The following COL5A3 variants were observed in gnomAD, a reference collection of about 807,000 sequenced individuals.
COL5A3 encodes collagen type V alpha 3 chain, also known as collagen alpha-3(V) chain.
Under a neutral mutation model 250.0 loss-of-function variants are expected in COL5A3, and 172 were observed. That is an observed-to-expected ratio of 0.69 (90% confidence interval 0.61 to 0.78). COL5A3 has a LOEUF of 0.78. Ranked by LOEUF, COL5A3 falls within the 30% of genes least tolerant of loss-of-function variation. The pLI is 0.00. For missense variants in COL5A3, 2,340 were observed against 2,334.4 expected, an observed-to-expected ratio of 1.00 and a Z score of -0.05; for synonymous variants, 937 against 900.4, an observed-to-expected ratio of 1.04 and a Z score of -0.73.
intron 64 of COL5A3, among the ~76,000 whole-genome samples, chr19:9,963,960 T>G (rs1026204763): frequency 6.6e-6 from 1 of 151,966 alleles, no homozygotes; most frequent in African/African-American, 2.4e-5. Flanking sequence ...CTCGAGGCCA[T>G]GAGTTTGAGA....
rs761016326 is a variant in COL5A3 at position 9,982,126 on chromosome 19, G to C, written c.2407-8C>G. The stretch of plus-strand genomic sequence containing the variant: ...GGGAAATCCAATAGATCCCTGAGTG[G>C]AGAGAATTAGAAAGAAGACATGAGG... On this transcript the variant is annotated splice_polypyrimidine_tract_variant and splice_region_variant and intron_variant, in intron 31 of 66. Transcript: ENST00000264828. 68 of 1,589,812 alleles carry C rather than the reference G, an allele frequency of 4.3e-5. No individual in the cohort carries two copies. Among genetic ancestry groups the C allele is most frequent in the Non-Finnish European group, 5.7e-5 (67 of 1,167,420 alleles).
intron 21 of COL5A3, 69 bp from the exon 22 acceptor site, chr19:9,992,117 A>G: frequency 7.2e-7 from 1 of 1,390,088 alleles, no homozygotes. Flanking sequence ...AGACACCGAG[A>G]GATGCAGGTG....
chr19:9,995,656 G>T, intron 15 of COL5A3, 39 bp from the exon 16 acceptor site: 1 of 1,465,940 alleles, frequency 6.8e-7, no homozygotes, highest in Non-Finnish European at 9.4e-7. Context: ...AGGAAAATAA[G>T]AAGAAAGAGG....
At chr19:9,973,473 T>G in intron 50 of COL5A3, 97 bp downstream of exon 50, 1 of 1,243,140 alleles carries the variant, frequency 8.0e-7, no homozygotes, top group East Asian at 2.3e-5. Flanking sequence ...GGTGAGTGGA[T>G]GATCTTGCAC....
chr19:9,970,958 T>G lies in COL5A3; in HGVS notation c.3882+17A>C. The stretch of plus-strand genomic sequence containing the variant: ...CAACCCCCGCCTCAGCACCACACCC[T>G]CTGTTTTCCCACTCACCGGTCCCCC... On this transcript the variant is annotated intron_variant, in intron 53 of 66. Transcript: ENST00000264828. The G allele has an allele frequency of 1.9e-6, 3 of 1,555,354 alleles. No individual in the cohort carries two copies. Among genetic ancestry groups the G allele is most frequent in the Non-Finnish European group, 2.6e-6 (3 of 1,153,268 alleles).
chr19:10,002,093 G>A (rs1052069137), intron 6 of COL5A3, among the ~76,000 whole-genome samples: 1 of 152,202 alleles, frequency 6.6e-6, no homozygotes, highest in East Asian at 1.9e-4. Context: ...GAGGTGCTGA[G>A]TCAGGCTGGC....
intron 11 of COL5A3, 84 bp downstream of exon 11, chr19:9,997,287 C>T: frequency 9.6e-7 from 1 of 1,043,374 alleles, no homozygotes; most frequent in Non-Finnish European, 1.5e-6. Flanking sequence ...GTGCCACACC[C>T]TCATATCTAT....
intron 46 of COL5A3, 31 bp from the exon 47 acceptor site, chr19:9,974,255 C>G (rs1300234428): frequency 6.2e-7 from 1 of 1,612,798 alleles, no homozygotes; most frequent in Non-Finnish European, 8.5e-7. Flanking sequence ...ATTGGGGCAC[C>G]AGGTAGGGAG....
Position 9,974,232 on chromosome 19 carries a change from A to C in COL5A3, c.3451-8T>G. The C allele has an allele frequency of 6.2e-7, 1 of 1,613,830 alleles. No individual in the cohort carries two copies. Among genetic ancestry groups the C allele is most frequent in the Non-Finnish European group, 8.5e-7 (1 of 1,179,918 alleles). ...CGGAGGGCCTGGCAGCCCCTGTGGA[A>C]CAAAGAAGCAAGATTGGGGCACCAG... is the stretch of plus-strand genomic sequence containing the variant. On this transcript the variant is annotated splice_polypyrimidine_tract_variant and splice_region_variant and intron_variant, in intron 46 of 66. Coordinates refer to ENST00000264828, the MANE Select transcript of COL5A3 (RefSeq NM_015719.4).
Position 9,968,710 on chromosome 19 carries a change from C to A in COL5A3, c.4171G>T (p.Gly1391Trp). 1 of 1,605,840 alleles carries A rather than the reference C, an allele frequency of 6.2e-7. No individual in the cohort carries two copies. Among genetic ancestry groups the A allele is most frequent in the Non-Finnish European group, 8.5e-7 (1 of 1,177,464 alleles). Residue 1391 changes from glycine to tryptophan, a missense_variant, in exon 58 of 67, where the codon GGG (glycine) becomes TGG (tryptophan). Around this residue, in one of 3 missense-constraint regions of COL5A3, gnomAD observed 1,179 missense variants for 1,162.6 expected, o/e 1.01. Transcript: ENST00000264828. The surrounding 1 kb of genome is among the most constrained non-coding windows in gnomAD (Gnocchi z 4.1). ...TTGGGGCCAGTGTCTCCCTTCAGCC[C>A]TGGGAGGCCAGAGGGCCCCTGGGAG... ...PGPLGPSGLP[G>W]LKGDTGPKGE...
At chr19:9,977,761 T>A (rs2086944607) in intron 41 of COL5A3, 60 bp from the exon 42 acceptor site, 1 of 1,330,534 alleles carries the variant, frequency 7.5e-7, no homozygotes, top group African/African-American at 1.5e-5. Context: ...TTATGGAGGG[T>A]TTTTAAGCCA....
Position 9,960,333 on chromosome 19 carries a change from T to TAC in COL5A3, c.*76_*77dup. 6.4e-7 allele frequency: 1 copy of TAC among 1,566,748 alleles called. No homozygotes were observed. The highest frequency in any genetic ancestry group is 1.7e-5 in the Admixed American group (1 of 57,700). ...CTCCATAGTCACAGGTAACGAAAAA[T>TAC]ACGGTGGCTTCAAAGCCTCAGCACC... On this transcript the variant is annotated 3_prime_UTR_variant, in exon 67 of 67. Coordinates refer to ENST00000264828, the MANE Select transcript of COL5A3 (RefSeq NM_015719.4).
chr19:9,992,961 C>G, intron 20 of COL5A3, 62 bp downstream of exon 20: 2 of 1,604,448 alleles, frequency 1.2e-6, no homozygotes, highest in South Asian at 1.1e-5. Context: ...GTCCTGGGGC[C>G]CTGGGAGTCC....
chr19:9,985,824 C>A lies in COL5A3; in HGVS notation c.2406+18G>T, dbSNP rs765791701. ...TCCTGCCCATATCCATCTCCACCCC[C>A]CACCCCCAGCTTCCTACCTTAGGTC... On this transcript the variant is annotated intron_variant, in intron 31 of 66. Transcript: ENST00000264828. 2 of 1,610,230 alleles carry A rather than the reference C, an allele frequency of 1.2e-6. No homozygotes were observed. Among genetic ancestry groups the A allele is most frequent in the East Asian group, 4.5e-5 (2 of 44,810 alleles).
chr19:9,980,460 C>T (rs1173235318), intron 35 of COL5A3, among the ~76,000 whole-genome samples, 188 bp downstream of exon 35: 1 of 152,092 alleles, frequency 6.6e-6, no homozygotes, highest in Non-Finnish European at 1.5e-5. Context: ...CTCCTGGGCT[C>T]AAGCAATTCT....
intron 16 of COL5A3, among the ~76,000 whole-genome samples, chr19:9,994,590 A>G (rs1231796859): frequency 6.7e-5 from 7 of 103,770 alleles, no homozygotes; most frequent in East Asian, 2.9e-4. Flanking sequence ...ATATATATAT[A>G]TATATATATA....
At chr19:9,989,668 C>T in intron 24 of COL5A3, 146 bp from the exon 25 acceptor site, 1 of 723,238 alleles carries the variant, frequency 1.4e-6, no homozygotes, top group Non-Finnish European at 2.2e-6. Flanking sequence ...TCTGCCCAAA[C>T]TTGCTGTGTG....
chr19:10,010,197 GCCCTTC>G (rs2087509449), intron 1 of COL5A3, 95 bp downstream of exon 1: 1 of 574,402 alleles, frequency 1.7e-6, no homozygotes, highest in Non-Finnish European at 2.3e-6. Flanking sequence ...CGGCGCCCAC[GCCCTTC>G]CCCTCCACGC....
At chr19:10,001,176 C>T (rs1346990364) in intron 8 of COL5A3, among the ~76,000 whole-genome samples, 1 of 151,512 alleles carries the variant, frequency 6.6e-6, no homozygotes, top group Non-Finnish European at 1.5e-5. Flanking sequence ...GATGGAGTCT[C>T]ACTTTGTTGC....
Sources: allele counts gnomAD v4.1 joint callset (sites outside exome capture counted in the v4.1 genomes callset), GRCh38; gene constraint gnomAD v4.1.1; regional missense constraint gnomAD v4.1.1; non-coding constraint Gnocchi (gnomAD v3.1); transcripts MANE v1.5; gene names NCBI Gene and HGNC (gene_info 2026-07-23, HGNC 2026-07-21).